Variants in UNC13B observed in about 807,000 individuals in gnomAD.
UNC13B encodes the protein unc-13 homolog B, also known as protein unc-13 homolog B.
In UNC13B, 144 loss-of-function variants were observed where a neutral mutation model predicts 211.0. The ratio of observed to expected loss-of-function variants is 0.68; its 90% CI spans 0.60 to 0.78. UNC13B has a LOEUF of 0.78. UNC13B is among the 30% of genes least tolerant of loss of function. The pLI is 0.00. For missense variants in UNC13B, 1,777 were observed against 2,002.0 expected, an observed-to-expected ratio of 0.89 and a Z score of 2.14; for synonymous variants, 709 against 725.8, an observed-to-expected ratio of 0.98 and a Z score of 0.37.
intron 11 of UNC13B, among the ~76,000 whole-genome samples, chr9:35,365,108 G>A (rs1432536374): frequency 6.6e-6 from 1 of 152,212 alleles, no homozygotes; most frequent in South Asian, 2.1e-4. Flanking sequence ...GGCTTCTGTA[G>A]CCCTGTTACG....
At chr9:35,248,227 T>C (rs1826221253) in intron 6 of UNC13B, among the ~76,000 whole-genome samples, 1 of 152,210 alleles carries the variant, frequency 6.6e-6, no homozygotes, top group South Asian at 2.1e-4. Flanking sequence ...TTACTGTGTC[T>C]ATTTGATTCT....
rs17849217 is a variant in UNC13B, at chr9:35,384,467, G to A, written c.10875+153G>A. The A allele has an allele frequency of 1.8e-4, 179 of 985,412 alleles. 1 individual carries two copies. The South Asian group carries it at 2.3e-3, about 12-fold the overall frequency. The allele number at this position is 985,412 out of a possible 1,614,324, so 61.0% of individuals were successfully genotyped here. A position where few individuals can be genotyped will look rare whatever the true frequency, so the allele number is the denominator to read the frequency against. ...ATGGCCAATGCTACTGACACCTGTG[G>A]TTCTTTTAACTCCAGGGACCATGTG... On this transcript the variant is annotated intron_variant, in intron 22 of 39. Coordinates refer to ENST00000635942, the MANE Select transcript of UNC13B (RefSeq NM_001371189.2).
At chr9:35,223,876 C>T (rs930478607) in intron 1 of UNC13B, among the ~76,000 whole-genome samples, 3 of 152,086 alleles carry the variant, frequency 2.0e-5, no homozygotes, top group South Asian at 4.1e-4. Flanking sequence ...TATGGATATT[C>T]AGTTTTCCCA....
At position 35,365,818 on chromosome 9, in the gene UNC13B, G is replaced by A. The variant is rs532751397; in HGVS notation, c.9415-1129G>A. Among the ~76,000 whole-genome samples, 79 of 152,294 alleles carry A rather than the reference G, an allele frequency of 5.2e-4. 1 individual carries two copies. The South Asian group carries it at 0.014, about 27-fold the overall frequency. ...TGGGGTGGAATGGGGGCTCTGGTCC[G>A]TAGGGAGATAGGCTTGATTAAAACA... is the stretch of plus-strand genomic sequence containing the variant. On this transcript the variant is annotated intron_variant, in intron 11 of 39. Coordinates refer to ENST00000635942, the MANE Select transcript of UNC13B (RefSeq NM_001371189.2).
intron 7 of UNC13B, among the ~76,000 whole-genome samples, chr9:35,286,670 C>T (rs1828814506): frequency 6.6e-6 from 1 of 152,108 alleles, no homozygotes; most frequent in Admixed American, 6.5e-5. Context: ...GCCTGGACAA[C>T]ATAGTGAGGC....
chr9:35,255,074 A>AAT (rs1165969217), intron 6 of UNC13B, among the ~76,000 whole-genome samples: 8 of 118,218 alleles, frequency 6.8e-5, no homozygotes, highest in Non-Finnish European at 1.2e-4. Flanking sequence ...TGTATAATAT[A>AAT]ATATATATAT....
At chr9:35,178,510 C>T (rs182055545) in intron 1 of UNC13B, among the ~76,000 whole-genome samples, 249 of 148,150 alleles carry the variant, frequency 1.7e-3, no homozygotes, top group African/African-American at 5.8e-3. Context: ...AAAAAAAGAA[C>T]AAACAAAAAA....
At chr9:35,182,738 A>G (rs1248931112) in intron 1 of UNC13B, among the ~76,000 whole-genome samples, 2 of 152,188 alleles carry the variant, frequency 1.3e-5, no homozygotes, top group Non-Finnish European at 2.9e-5. Flanking sequence ...CCCTTAATCC[A>G]TTTAACTCTG....
intron 7 of UNC13B, among the ~76,000 whole-genome samples, chr9:35,280,271 GGA>G (rs1193237529): frequency 6.6e-6 from 1 of 152,166 alleles, no homozygotes; most frequent in African/African-American, 2.4e-5. Context: ...AAGTTTGAAA[GGA>G]GAGATTATTC....
chr9:35,168,396 T>G (rs533430135), intron 1 of UNC13B, among the ~76,000 whole-genome samples: 27 of 152,272 alleles, frequency 1.8e-4, no homozygotes, highest in African/African-American at 6.5e-4. Context: ...CTTACCCTCC[T>G]CCCACTCCAT....
chr9:35,283,173 C>T (rs541254413), intron 7 of UNC13B, among the ~76,000 whole-genome samples: 2 of 152,222 alleles, frequency 1.3e-5, no homozygotes, highest in East Asian at 3.9e-4. Context: ...ATGGCACTTT[C>T]TCAGTTTGTA....
chr9:35,384,484 G>T (rs1330807229), intron 22 of UNC13B, 170 bp downstream of exon 22: 1 of 985,294 alleles, frequency 1.0e-6, no homozygotes, highest in Non-Finnish European at 1.2e-6. Context: ...TAACTCCAGG[G>T]ACCATGTGGT....
rs1836129000 is a variant in UNC13B, at chr9:35,399,403, G to T, written c.12210G>T (p.Leu4070=). ...CCCTCTCTGCCCAGGGCACCCAGCT[G>T]ATCTTCACTGCTGCCAAGGAGCTGA... ...PPLTDQTGTQ[L]IFTAAKELSH... Residue 4070 remains leucine, a synonymous_variant, in exon 35 of 40, where the codon CTG becomes CTT. Coordinates refer to ENST00000635942, the MANE Select transcript of UNC13B (RefSeq NM_001371189.2). The T allele has an allele frequency of 6.2e-7, 1 of 1,614,078 alleles. No individual in the cohort carries two copies. Among genetic ancestry groups the T allele is most frequent in the Non-Finnish European group, 8.5e-7 (1 of 1,180,020 alleles).
Position 35,366,003 on chromosome 9 carries a change from CT to C in UNC13B, c.9415-943del, listed in dbSNP as rs1184413469. Among the ~76,000 whole-genome samples the C allele has an allele frequency of 1.2e-4, 19 of 152,342 alleles. No individual in the cohort carries two copies. The East Asian group carries it at 3.7e-3, about 29-fold the overall frequency. ...TATCCATAACTTCTCCCCACTTTAGCTCTCCAAAACATCACTCACTGTTCAA... is the reference window on the plus strand; with the variant it reads ...TATCCATAACTTCTCCCCACTTTAGCCTCCAAAACATCACTCACTGTTCAA... On this transcript the variant is annotated intron_variant, in intron 11 of 39. Coordinates refer to ENST00000635942, the MANE Select transcript of UNC13B (RefSeq NM_001371189.2).
intron 1 of UNC13B, among the ~76,000 whole-genome samples, chr9:35,169,864 C>G (rs1821241737): frequency 6.6e-6 from 1 of 152,158 alleles, no homozygotes; most frequent in South Asian, 2.1e-4. Context: ...TTTACCTGTG[C>G]TGTGTATTTC....
intron 13 of UNC13B, 30 bp from the exon 14 acceptor site, chr9:35,375,097 T>C: frequency 6.2e-7 from 1 of 1,612,896 alleles, no homozygotes; most frequent in African/African-American, 1.3e-5. Context: ...TTGGCAGTGG[T>C]CAGGGCTAAC....
chr9:35,225,886 C>A (rs750512073), intron 1 of UNC13B, among the ~76,000 whole-genome samples: 1 of 151,974 alleles, frequency 6.6e-6, no homozygotes, highest in Non-Finnish European at 1.5e-5. Context: ...CCCGCGGTGA[C>A]GTGTGAGGAG....
At chr9:35,312,409 C>G (rs537799966) in intron 10 of UNC13B, among the ~76,000 whole-genome samples, 1 of 152,134 alleles carries the variant, frequency 6.6e-6, no homozygotes, top group Non-Finnish European at 1.5e-5. Context: ...AGCTGTGGAC[C>G]AGGCTTCTTA....
At chr9:35,163,636 T>C (rs1167094956) in intron 1 of UNC13B, among the ~76,000 whole-genome samples, 1 of 152,240 alleles carries the variant, frequency 6.6e-6, no homozygotes, top group Non-Finnish European at 1.5e-5. Context: ...AGTTTAATTC[T>C]CTACGGCCAC....
Sources: gnomAD v4.1 joint callset for allele counts (sites outside exome capture counted in the v4.1 genomes callset) on GRCh38, gnomAD v4.1.1 for gene constraint, MANE v1.5 for transcripts, NCBI Gene and HGNC (gene_info 2026-07-23, HGNC 2026-07-21) for gene names.